Variants in ULK4 observed in about 807,000 individuals in gnomAD.
ULK4 encodes inactive serine/threonine-protein kinase ULK4.
Under a neutral mutation model 160.6 loss-of-function variants are expected in ULK4, and 133 were observed. The observed-to-expected ratio is 0.83, with a 90% CI of 0.72 to 0.96. The LOEUF is 0.96. Among genes scored for constraint, ULK4 ranks in the 40% least tolerant of loss-of-function variants. The pLI, the probability that ULK4 is intolerant of heterozygous loss-of-function variation, is 0.00. For missense variants in ULK4, 1,580 were observed against 1,499.5 expected (o/e 1.05, Z -0.89); for synonymous variants, 534 against 539.8 (o/e 0.99, Z 0.15).
intron 3 of ULK4, among the ~76,000 whole-genome samples, chr3:41,937,519 T>C (rs932751401): frequency 3.6e-4 from 54 of 149,896 alleles, no homozygotes; most frequent in African/African-American, 1.3e-3. Flanking sequence ...CAGTAATACC[T>C]ATTAATAGTT....
intron 27 of ULK4, among the ~76,000 whole-genome samples, chr3:41,685,516 C>A (rs2036071547): frequency 6.6e-6 from 1 of 152,114 alleles, no homozygotes; most frequent in African/African-American, 2.4e-5. Flanking sequence ...TAAGGCATTC[C>A]AAGAACTGTC....
At chr3:41,421,716 A>C (rs942794409) in intron 34 of ULK4, among the ~76,000 whole-genome samples, 6 of 152,108 alleles carry the variant, frequency 3.9e-5, no homozygotes, top group Admixed American at 3.9e-4. Flanking sequence ...AGTTTTCTTC[A>C]ATTGTTCTGT....
chr3:41,735,416 C>T (rs768153510), intron 22 of ULK4, among the ~76,000 whole-genome samples: 9 of 152,116 alleles, frequency 5.9e-5, no homozygotes, highest in Non-Finnish European at 1.0e-4. Context: ...CTTAAAGATG[C>T]CATCATCCCA....
intron 30 of ULK4, among the ~76,000 whole-genome samples, chr3:41,627,952 C>T (rs2033597011): frequency 6.6e-6 from 1 of 152,132 alleles, no homozygotes; most frequent in Non-Finnish European, 1.5e-5. Flanking sequence ...ACAGATGGAA[C>T]AGAATGATAC....
chr3:41,528,851 G>C (rs2086205326), intron 32 of ULK4, among the ~76,000 whole-genome samples: 1 of 151,944 alleles, frequency 6.6e-6, no homozygotes, highest in South Asian at 2.1e-4. Flanking sequence ...CAAGAAAGAA[G>C]GCATATCCTT....
intron 31 of ULK4, among the ~76,000 whole-genome samples, chr3:41,572,851 C>T (rs911618462): frequency 1.3e-5 from 2 of 151,728 alleles, no homozygotes; most frequent in African/African-American, 4.8e-5. Context: ...GAGCATATTG[C>T]CCAAAATAAA....
intron 29 of ULK4, among the ~76,000 whole-genome samples, chr3:41,667,118 C>A (rs1219154503): frequency 6.6e-6 from 1 of 151,532 alleles, no homozygotes; most frequent in Non-Finnish European, 1.5e-5. Context: ...GGCACCAGTA[C>A]ACTTCAGCCT....
rs774571092 is a variant in ULK4, at chr3:41,413,639, C to CT, written c.3493-15376dup. On this transcript the variant is annotated intron_variant, in intron 34 of 36. Coordinates refer to ENST00000301831, the MANE Select transcript of ULK4 (RefSeq NM_017886.4). ...AATCTTTCTTGCCCCATGGAACCGT[C>CT]TTTTTTGTTTTCTTTTCCTCCTCCT... is the stretch of plus-strand genomic sequence containing the variant. Among the ~76,000 whole-genome samples, 3 of 152,130 alleles carry CT rather than the reference C, an allele frequency of 2.0e-5. No homozygotes were observed. The East Asian group carries it at 5.8e-4, about 29-fold the overall frequency.
chr3:41,832,506 G>A (rs1010894601), intron 18 of ULK4, among the ~76,000 whole-genome samples: 1 of 152,174 alleles, frequency 6.6e-6, no homozygotes, highest in African/African-American at 2.4e-5. Context: ...TTACTCTGAT[G>A]CTAGTTTATT....
At chr3:41,801,746 G>A (rs1192189400) in intron 19 of ULK4, among the ~76,000 whole-genome samples, 2 of 152,004 alleles carry the variant, frequency 1.3e-5, no homozygotes, top group African/African-American at 4.8e-5. Flanking sequence ...AGCCACCTGG[G>A]AGGCTGAGGT....
At chr3:41,388,129 G>C (rs1363820837) in intron 35 of ULK4, among the ~76,000 whole-genome samples, 2 of 152,188 alleles carry the variant, frequency 1.3e-5, no homozygotes, top group Non-Finnish European at 2.9e-5. Flanking sequence ...GGCCAGTGAT[G>C]ATGAGCGTTT....
intron 29 of ULK4, among the ~76,000 whole-genome samples, chr3:41,674,544 T>C (rs1233752274): frequency 6.6e-6 from 1 of 152,220 alleles, no homozygotes; most frequent in Non-Finnish European, 1.5e-5. Flanking sequence ...GTTATGACAC[T>C]GGCATTCCAA....
Position 41,398,070 on chromosome 3 carries a change from T to C in ULK4, c.3678+9A>G. On this transcript the variant is annotated intron_variant, in intron 35 of 36. Coordinates refer to ENST00000301831, the MANE Select transcript of ULK4 (RefSeq NM_017886.4). ...ACCCACAGTGTCCCCGGTTTCTGTGTGAACTCACCATTCTTCTGAGAATCC... is the reference window on the plus strand; with the variant it reads ...ACCCACAGTGTCCCCGGTTTCTGTGCGAACTCACCATTCTTCTGAGAATCC... 1 of 1,610,734 alleles carries C rather than the reference T, an allele frequency of 6.2e-7. No individual in the cohort carries two copies. The highest frequency in any genetic ancestry group is 1.3e-5 in the African/African-American group (1 of 74,804).
chr3:41,787,748 CTTT>C (rs1269196240), intron 21 of ULK4, among the ~76,000 whole-genome samples: 1 of 152,144 alleles, frequency 6.6e-6, no homozygotes, highest in Non-Finnish European at 1.5e-5. Flanking sequence ...ACAATAAAAA[CTTT>C]TTTAATGTAC....
At chr3:41,323,338 G>C (rs1250399521) in intron 35 of ULK4, among the ~76,000 whole-genome samples, 1 of 148,296 alleles carries the variant, frequency 6.7e-6, no homozygotes, top group Non-Finnish European at 1.5e-5. Flanking sequence ...GAATGGGAGT[G>C]AATATTGAAG....
intron 32 of ULK4, among the ~76,000 whole-genome samples, chr3:41,468,683 T>C (rs2125884164): frequency 6.6e-6 from 1 of 152,172 alleles, no homozygotes; most frequent in East Asian, 1.9e-4. Flanking sequence ...ATTTTGACTA[T>C]ACTACCTTTC....
chr3:41,382,805 C>T (rs2081697328), intron 35 of ULK4, among the ~76,000 whole-genome samples: 1 of 152,234 alleles, frequency 6.6e-6, no homozygotes, highest in South Asian at 2.1e-4. Context: ...TACTTAAAAC[C>T]TGACACCAAA....
At chr3:41,251,507 A>T (rs1207383403) in intron 35 of ULK4, among the ~76,000 whole-genome samples, 3 of 152,192 alleles carry the variant, frequency 2.0e-5, no homozygotes, top group African/African-American at 4.8e-5. Context: ...ACTGGCAGTG[A>T]GTTTACCACT....
chr3:41,394,060 T>C (rs892027760), intron 35 of ULK4, among the ~76,000 whole-genome samples: 2 of 152,078 alleles, frequency 1.3e-5, no homozygotes, highest in South Asian at 4.1e-4. Flanking sequence ...TACCAAAAAT[T>C]CTAACACAGA....
Sources: allele counts gnomAD v4.1 joint callset (sites outside exome capture counted in the v4.1 genomes callset), GRCh38; gene constraint gnomAD v4.1.1; transcripts MANE v1.5; gene names NCBI Gene and HGNC (gene_info 2026-07-23, HGNC 2026-07-21).